The following GAS2L1 variants were observed in gnomAD, a reference collection of about 807,000 sequenced individuals.
The protein encoded by GAS2L1 is GAS2-like protein 1.
A neutral mutation model predicts 44.0 loss-of-function variants in GAS2L1; 26 were observed. That is an observed-to-expected ratio of 0.59 (90% CI 0.43 to 0.82). GAS2L1 has a LOEUF of 0.82. Among genes scored for constraint, GAS2L1 ranks in the 40% least tolerant of loss-of-function variants. GAS2L1 has a pLI of 0.00. For missense variants in GAS2L1, 1,006 were observed against 983.0 expected, an observed-to-expected ratio of 1.02 and a Z score of -0.31; for synonymous variants, 426 against 415.9, an observed-to-expected ratio of 1.02 and a Z score of -0.30.
exon 1 of GAS2L1, chr22:29,308,192 G>C (rs547198794): frequency 1.2e-6 from 2 of 1,608,448 alleles, no homozygotes; most frequent in Non-Finnish European, 1.7e-6. Flanking sequence ...TGGAGGCCAT[G>C]AAGGAGGACC....
At chr22:29,311,857 G>A (rs1261357781) in exon 5 of GAS2L1, 3 of 1,594,968 alleles carry the variant, frequency 1.9e-6, no homozygotes, top group South Asian at 1.1e-5. Context: ...GGCTCGGGCA[G>A]GAGCACCCCC....
exon 5 of GAS2L1, chr22:29,311,831 G>T: frequency 1.9e-6 from 3 of 1,592,056 alleles, no homozygotes; most frequent in Non-Finnish European, 2.5e-6. Context: ...GGGTGCCAAG[G>T]GGCAGGGGCA....
intron 4 of GAS2L1, 83 bp downstream of exon 5, chr22:29,311,081 G>A (rs997801819): frequency 2.2e-6 from 3 of 1,336,338 alleles, no homozygotes; most frequent in East Asian, 2.3e-5. Flanking sequence ...TTGCCTGTGC[G>A]CCAGAGTGAC....
chr22:29,312,632 C>A, exon 5 of GAS2L1: 1 of 538,304 alleles, frequency 1.9e-6, no homozygotes. Context: ...GACCACATGG[C>A]ACAATGGGAC....
At chr22:29,311,991 G>A (rs759899204) in exon 5 of GAS2L1, 1 of 1,611,086 alleles carries the variant, frequency 6.2e-7, no homozygotes, top group South Asian at 1.1e-5. Context: ...CCCGCAGCAG[G>A]AGCAGCAGCT....
At chr22:29,308,125 G>C in exon 1 of GAS2L1, 1 of 1,558,136 alleles carries the variant, frequency 6.4e-7, no homozygotes, top group Non-Finnish European at 8.7e-7. Flanking sequence ...CCAGTGGCGG[G>C]CATCGCGGGC....
chr22:29,308,441 G>A lies in GAS2L1; in HGVS notation c.336G>A (p.Val112=), dbSNP rs1602644894. ...CCACCTTCATCGGCTGGTGCCGCGT[G>A]GAGCTGGGTGTGCCGGAGGTGCTCA... is the stretch of plus-strand genomic sequence containing the variant. The change falls in exon 1 of 5, where the codon GTG becomes GTA. Residue 112 remains valine (V), a synonymous_variant. Transcript: ENST00000618518. 14 of 1,605,608 alleles carry A rather than the reference G, an allele frequency of 8.7e-6. No homozygotes were observed. The African/African-American group carries it at 9.3e-5, about 11-fold the overall frequency.
exon 1 of GAS2L1, chr22:29,308,034 C>T: frequency 7.6e-7 from 1 of 1,316,254 alleles, no homozygotes; most frequent in Non-Finnish European, 1.0e-6. Flanking sequence ...TTAATTTGTA[C>T]TGAGCGCTTA....
At chr22:29,310,269 A>T (rs968491739) in intron 1 of GAS2L1, 170 bp from the exon 3 acceptor site, 18 of 377,256 alleles carry the variant, frequency 4.8e-5, no homozygotes, top group Admixed American at 4.8e-5. Flanking sequence ...AAAAAAAAAT[A>T]AAAAAAATAA....
At chr22:29,309,143 G>C (rs977975612) in intron 1 of GAS2L1, among the ~76,000 whole-genome samples, 2 of 152,314 alleles carry the variant, frequency 1.3e-5, no homozygotes, top group East Asian at 3.9e-4. Context: ...GAGGTTGAGC[G>C]GGTGCTGTGA....
At chr22:29,306,937 C>G (rs2061354653), upstream of GAS2L1, 1 of 152,202 alleles carries the variant, frequency 6.6e-6, no homozygotes, top group Non-Finnish European at 1.5e-5. Flanking sequence ...CTCCCGCCGG[C>G]TCGGGGAAGG....
At chr22:29,310,254 A>AT (rs751932604) in intron 1 of GAS2L1, 185 bp from the exon 3 acceptor site, 319 of 355,912 alleles carry the variant, frequency 9.0e-4, no homozygotes, top group South Asian at 1.6e-3. Flanking sequence ...AAAAAAAAAA[A>AT]AAATAAAAAA....
rs1244806081 is a variant in GAS2L1 at position 29,312,614 on chromosome 22, C to T, written c.*117C>T. The T allele has an allele frequency of 6.2e-6, 4 of 644,552 alleles. No individual in the cohort carries two copies. The South Asian group carries it at 1.3e-4, about 21-fold the overall frequency. 39.9% of individuals were successfully genotyped at this position (644,552 alleles called of 1,614,324 possible). On this transcript the variant is annotated 3_prime_UTR_variant, in exon 5 of 5. Coordinates refer to ENST00000618518, the Ensembl canonical transcript of GAS2L1. Reference sequence around the variant, plus strand: ...GAGTACCAGACCTCATGGGACCAGACCCCTTGGGACCACATGGCACAATGG... The same window carrying T: ...GAGTACCAGACCTCATGGGACCAGATCCCTTGGGACCACATGGCACAATGG...
rs369870873 is a variant in GAS2L1, at chr22:29,308,628, C to G, written c.523C>G (p.Pro175Ala). The stretch of plus-strand genomic sequence containing the variant: ...GGAGCTGCGTGCTGCACCCCCAGCC[C>G]CCAACGCCCCTGCCGCTGGGGAGGA... The change falls in exon 1 of 5, where the codon CCC becomes GCC. Residue 175 changes from proline to alanine, a missense_variant. Physicochemically the swap from Pro to Ala is conservative, Grantham distance 27 (BLOSUM62 -1). Coordinates refer to ENST00000618518, the Ensembl canonical transcript of GAS2L1. The G allele has an allele frequency of 1.1e-4, 182 of 1,584,848 alleles. No individual in the cohort carries two copies. Among genetic ancestry groups the G allele is most frequent in the Non-Finnish European group, 2.5e-5 (29 of 1,164,112 alleles).
Position 29,311,795 on chromosome 22 carries a change from CAGGG to C in GAS2L1, c.1346_1349del (p.Arg449IlefsTer89). Reference sequence around the variant, plus strand: ...AGGAGCAGGCTGTGCTGCTTGTGCGCAGGGATCGAGACGGGCAGCACTCATGGGT... The same window carrying C: ...AGGAGCAGGCTGTGCTGCTTGTGCGCATCGAGACGGGCAGCACTCATGGGT... On this transcript the variant is annotated frameshift_variant, in exon 5 of 5. Transcript: ENST00000618518. LOFTEE classifies it high-confidence loss of function. 6.3e-7 allele frequency: 1 copy of C among 1,576,892 alleles called. No homozygotes were observed. The highest frequency in any genetic ancestry group is 8.6e-7 in the Non-Finnish European group (1 of 1,168,914).
At position 29,311,566 on chromosome 22, in the gene GAS2L1, A is replaced by G; in HGVS notation, c.1115A>G (p.Asp372Gly). 6.5e-7 allele frequency: 1 copy of G among 1,542,730 alleles called. No homozygotes were observed. The highest frequency in any genetic ancestry group is 8.7e-7 in the Non-Finnish European group (1 of 1,146,510). ...AGCGGCCCCCTTGGTACCCGCAGTG[A>G]TGACACAGGCACTGGCCCCCGGAGG... The change falls in exon 5 of 5, where the codon GAT (aspartate) becomes GGT (glycine). Residue 372 changes from aspartate to glycine, a missense_variant. Physicochemically the swap from Asp to Gly is moderately conservative, Grantham distance 94. Transcript: ENST00000618518.
At chr22:29,308,994 C>T (rs1298214380) in intron 1 of GAS2L1, among the ~76,000 whole-genome samples, 1 of 152,262 alleles carries the variant, frequency 6.6e-6, no homozygotes, top group Non-Finnish European at 1.5e-5. Context: ...GCACGATCTT[C>T]CCTCACTTTG....
At chr22:29,310,262 A>T (rs12158110) in intron 1 of GAS2L1, 177 bp from the exon 3 acceptor site, 10,770 of 385,948 alleles carry the variant, frequency 0.028, 571 homozygotes, top group African/African-American at 0.15. Flanking sequence ...AAAAAATAAA[A>T]AAAAATAAAA....
In GAS2L1 at chr22:29,308,318, G is replaced by A; in HGVS notation, c.213G>A (p.Glu71=). 1.2e-6 allele frequency: 2 copies of A among 1,606,956 alleles called. 1 individual carries two copies. The highest frequency in any genetic ancestry group is 3.4e-4 in the Middle Eastern group (2 of 5,856). The change falls in exon 1 of 5, where the codon GAG becomes GAA. Residue 71 remains glutamate (E), a synonymous_variant. Transcript: ENST00000618518. The stretch of plus-strand genomic sequence containing the variant: ...GCCAACATGCCAACGCCGTGACCGA[G>A]GCTGCCCGTGCATTGGCAGCCGCCC...
Sources: gnomAD v4.1 joint callset for allele counts (sites outside exome capture counted in the v4.1 genomes callset) on GRCh38, gnomAD v4.1.1 for gene constraint, MANE v1.5 for transcripts, NCBI Gene and HGNC (gene_info 2026-07-23, HGNC 2026-07-21) for gene names.